TENM2: variants seen among roughly 807,000 people sequenced by gnomAD.
The protein encoded by TENM2 is teneurin transmembrane protein 2.
In TENM2, 52 loss-of-function variants were observed where a neutral mutation model predicts 245.2. The observed-to-expected ratio is 0.21, with a 90% CI of 0.17 to 0.27. The LOEUF (loss-of-function observed/expected upper bound fraction) is 0.27, where lower values mean the gene tolerates loss of function less well. Among genes scored for constraint, TENM2 ranks in the 10% least tolerant of loss-of-function variants. The pLI is 1.00. For synonymous variants in TENM2, 1,363 were observed against 1,438.9 expected (o/e 0.95, Z 1.19); for missense variants, 3,046 against 3,666.8 (o/e 0.83, Z 4.37).
intron 2 of TENM2, among the ~76,000 whole-genome samples, chr5:167,476,121 A>G (rs1306870308): frequency 1.3e-5 from 2 of 152,216 alleles, no homozygotes; most frequent in Non-Finnish European, 2.9e-5. Flanking sequence ...ATCCAGCTTC[A>G]TACAGATATA....
chr5:168,149,817 C>T (rs951893224), intron 12 of TENM2, among the ~76,000 whole-genome samples: 1 of 152,262 alleles, frequency 6.6e-6, no homozygotes, highest in Non-Finnish European at 1.5e-5. Flanking sequence ...CTCACTCACT[C>T]TGCTACAGCC....
intron 3 of TENM2, among the ~76,000 whole-genome samples, chr5:167,901,258 C>A (rs1038957955): frequency 6.6e-6 from 1 of 152,028 alleles, no homozygotes; most frequent in Non-Finnish European, 1.5e-5. Context: ...GCACCTACCA[C>A]GGTTCCTAGC....
At chr5:167,840,672 A>G (rs1769424182) in intron 2 of TENM2, among the ~76,000 whole-genome samples, 1 of 152,148 alleles carries the variant, frequency 6.6e-6, no homozygotes. Flanking sequence ...GGGAGCAACA[A>G]CAGACATAAT....
intron 23 of TENM2, among the ~76,000 whole-genome samples, chr5:168,221,392 C>A (rs1763658440): frequency 6.6e-6 from 1 of 152,156 alleles, no homozygotes; most frequent in Non-Finnish European, 1.5e-5. Context: ...CCCCTAAGAC[C>A]ACACAGGGAG....
chr5:167,846,280 T>C (rs1770032834), intron 2 of TENM2, among the ~76,000 whole-genome samples: 1 of 152,234 alleles, frequency 6.6e-6, no homozygotes, highest in African/African-American at 2.4e-5. Flanking sequence ...CCAGTGAATA[T>C]TGGTTGAATG....
At chr5:167,929,024 GGAAA>G (rs1422007978) in intron 3 of TENM2, among the ~76,000 whole-genome samples, 35 of 127,026 alleles carry the variant, frequency 2.8e-4, no homozygotes, top group Admixed American at 1.1e-3. Flanking sequence ...GAAAGAGAAA[GGAAA>G]GAAAGAAAGA....
the TENM2 span, among the ~76,000 whole-genome samples, chr5:167,127,213 C>T: frequency 6.6e-6 from 1 of 152,048 alleles, no homozygotes; most frequent in Non-Finnish European, 1.5e-5. Flanking sequence ...TAAAAACAGT[C>T]CCTTTTAAAA....
chr5:167,496,205 A>C (rs1768804582), intron 2 of TENM2, among the ~76,000 whole-genome samples: 1 of 152,036 alleles, frequency 6.6e-6, no homozygotes, highest in African/African-American at 2.4e-5. Context: ...ATTATTCGCA[A>C]AATTTTCCTT....
intron 2 of TENM2, among the ~76,000 whole-genome samples, chr5:167,505,412 G>T (rs1194522900): frequency 6.6e-6 from 1 of 152,236 alleles, no homozygotes; most frequent in African/African-American, 2.4e-5. Context: ...CTGCCACTTA[G>T]TTGTTTAGAG....
At chr5:168,196,076 T>A (rs1433546743) in intron 15 of TENM2, among the ~76,000 whole-genome samples, 1 of 152,120 alleles carries the variant, frequency 6.6e-6, no homozygotes, top group Non-Finnish European at 1.5e-5. Flanking sequence ...AAAAGGGAAC[T>A]GTGGCTACCA....
chr5:167,547,827 A>G (rs1241250899), intron 2 of TENM2, among the ~76,000 whole-genome samples: 3 of 152,240 alleles, frequency 2.0e-5, no homozygotes, highest in South Asian at 2.1e-4. Context: ...CATGTCCAAC[A>G]TATTCTTCAA....
chr5:166,990,131 A>C, the TENM2 span, among the ~76,000 whole-genome samples: 1 of 152,130 alleles, frequency 6.6e-6, no homozygotes, highest in Non-Finnish European at 1.5e-5. Context: ...GTGGGACTTG[A>C]AAAAAATAAA....
chr5:167,304,625 AT>A (rs1039471855), intron 1 of TENM2, among the ~76,000 whole-genome samples: 3 of 151,592 alleles, frequency 2.0e-5, no homozygotes, highest in African/African-American at 4.9e-5. Context: ...AAACTGTGTG[AT>A]TTTTTTTCTT....
intron 17 of TENM2, 91 bp downstream of exon 19, chr5:168,200,222 C>A: frequency 8.2e-7 from 1 of 1,224,738 alleles, no homozygotes; most frequent in Non-Finnish European, 1.1e-6. Flanking sequence ...ATATGCCAAG[C>A]ACCATTTCAG....
chr5:167,637,252 A>G (rs1483089180), intron 2 of TENM2, among the ~76,000 whole-genome samples: 1 of 152,184 alleles, frequency 6.6e-6, no homozygotes, highest in Admixed American at 6.5e-5. Flanking sequence ...AAAGAGAATT[A>G]TTTACATATT....
chr5:167,914,796 A>T (rs1003696490), intron 3 of TENM2, among the ~76,000 whole-genome samples: 1 of 151,622 alleles, frequency 6.6e-6, no homozygotes, highest in Non-Finnish European at 1.5e-5. Context: ...CAGCTGCAAC[A>T]CCTCACTCTC....
At chr5:167,117,407 G>A in the TENM2 span, among the ~76,000 whole-genome samples, 2 of 152,202 alleles carry the variant, frequency 1.3e-5, no homozygotes, top group African/African-American at 4.8e-5. Context: ...GGAGGCTGAG[G>A]CAGGAGAATG....
intron 1 of TENM2, among the ~76,000 whole-genome samples, chr5:167,318,194 T>C (rs1756486070): frequency 6.6e-6 from 1 of 152,206 alleles, no homozygotes; most frequent in Non-Finnish European, 1.5e-5. Context: ...CACTGCCTTT[T>C]AACACCAATG....
At chr5:168,115,848 G>T (rs1164741510) in intron 9 of TENM2, among the ~76,000 whole-genome samples, 1 of 152,072 alleles carries the variant, frequency 6.6e-6, no homozygotes. Context: ...CTGCATTGAC[G>T]GTTTCGAGGC....
Sources: allele counts gnomAD v4.1 joint callset (sites outside exome capture counted in the v4.1 genomes callset), GRCh38; gene constraint gnomAD v4.1.1; transcripts MANE v1.5; gene names NCBI Gene and HGNC (gene_info 2026-07-23, HGNC 2026-07-21).